TSHR: variants seen among roughly 807,000 people sequenced by gnomAD.
The protein encoded by TSHR is thyrotropin receptor.
Under a neutral mutation model 64.1 loss-of-function variants are expected in TSHR, and 51 were observed. That is an observed-to-expected ratio of 0.80 (90% CI 0.64 to 1.01). The LOEUF (loss-of-function observed/expected upper bound fraction) is 1.01, where lower values mean the gene tolerates loss of function less well. TSHR is among the 50% of genes least tolerant of loss of function. TSHR has a pLI of 0.00. For synonymous variants in TSHR, 361 were observed against 361.9 expected (o/e 1.00, Z 0.03); for missense variants, 877 against 942.8 (o/e 0.93, Z 0.91).
At chr14:81,008,259 G>A (rs566193067) in intron 1 of TSHR, among the ~76,000 whole-genome samples, 9 of 150,610 alleles carry the variant, frequency 6.0e-5, no homozygotes, top group East Asian at 5.9e-4. Context: ...TGCAAGCTCC[G>A]CTTCCCGGGT....
At chr14:81,022,520 A>G (rs894946655) in intron 1 of TSHR, among the ~76,000 whole-genome samples, 1 of 151,942 alleles carries the variant, frequency 6.6e-6, no homozygotes, top group Non-Finnish European at 1.5e-5. Context: ...ATATGGTGGT[A>G]TTAAGATGTG....
chr14:81,072,755 T>TACTCTAA (rs1196577626), intron 3 of TSHR, among the ~76,000 whole-genome samples: 31 of 138,508 alleles, frequency 2.2e-4, no homozygotes, highest in African/African-American at 7.4e-4. Flanking sequence ...TGAAAAGCTT[T>TACTCTAA]GGGAGGCCGA....
chr14:81,134,173 T>A (rs1438564261), intron 8 of TSHR, among the ~76,000 whole-genome samples: 2 of 152,204 alleles, frequency 1.3e-5, no homozygotes, highest in Non-Finnish European at 2.9e-5. Flanking sequence ...TTCGCTCTTG[T>A]TGCCCAGGCT....
intron 8 of TSHR, among the ~76,000 whole-genome samples, chr14:81,135,696 T>C (rs1339390406): frequency 6.6e-6 from 1 of 152,140 alleles, no homozygotes; most frequent in African/African-American, 2.4e-5. Context: ...AAGTGGTAGA[T>C]GGAAGACAAG....
chr14:81,093,950 C>A (rs961009961), intron 6 of TSHR, among the ~76,000 whole-genome samples: 9 of 152,130 alleles, frequency 5.9e-5, no homozygotes, highest in African/African-American at 2.2e-4. Flanking sequence ...CACCATTTCT[C>A]TAAAACCCCC....
chr14:81,040,937 G>C (rs1884889777), intron 1 of TSHR, among the ~76,000 whole-genome samples: 1 of 151,876 alleles, frequency 6.6e-6, no homozygotes, highest in Non-Finnish European at 1.5e-5. Flanking sequence ...GATCATTAAA[G>C]AAATGGAAAT....
chr14:81,115,910 AT>A (rs200209411), intron 8 of TSHR, among the ~76,000 whole-genome samples: 17,907 of 152,096 alleles, frequency 0.12, 1,410 homozygotes, highest in East Asian at 0.27. Flanking sequence ...TCAACCCAGA[AT>A]TTCATATCCA....
chr14:81,013,756 C>T (rs1890042124), intron 1 of TSHR: 1 of 152,114 alleles, frequency 6.6e-6, no homozygotes, highest in Non-Finnish European at 1.5e-5. Context: ...CATACCAGAC[C>T]ACACATGTGG....
chr14:80,970,967 T>A (rs1887561615), intron 1 of TSHR, among the ~76,000 whole-genome samples: 1 of 152,256 alleles, frequency 6.6e-6, no homozygotes, highest in African/African-American at 2.4e-5. Context: ...CCCAAGTAGC[T>A]GGGATTACAG....
At chr14:81,138,172 C>T (rs1016102064) in intron 8 of TSHR, among the ~76,000 whole-genome samples, 1 of 150,824 alleles carries the variant, frequency 6.6e-6, no homozygotes, top group African/African-American at 2.4e-5. Context: ...AATACAGGAA[C>T]AAGCGCCAAG....
At chr14:81,036,213 A>T (rs932657582) in intron 1 of TSHR, among the ~76,000 whole-genome samples, 1 of 152,218 alleles carries the variant, frequency 6.6e-6, no homozygotes, top group African/African-American at 2.4e-5. Flanking sequence ...CTTTGGAGAG[A>T]TATGTACATC....
rs571046499 is a variant in TSHR at position 81,102,508 on chromosome 14, C to A, written c.614+5801C>A. 1.3e-3 allele frequency among the ~76,000 whole-genome samples: 191 copies of A among 152,280 alleles called. 1 individual carries two copies. The highest frequency in any genetic ancestry group is 2.2e-3 in the Non-Finnish European group (147 of 68,008). ...TGGAAACTATTTCTTTGTTAAGAAT[C>A]TTTTGTGTCTTGGTTTCTAAAAGTC... On this transcript the variant is annotated intron_variant, in intron 7 of 9. Transcript: ENST00000298171.
chr14:80,973,684 T>C (rs1490895581), intron 1 of TSHR, among the ~76,000 whole-genome samples: 1 of 152,196 alleles, frequency 6.6e-6, no homozygotes, highest in Non-Finnish European at 1.5e-5. Flanking sequence ...TTCTCTGTTA[T>C]AAGGAAGCTG....
intron 8 of TSHR, among the ~76,000 whole-genome samples, chr14:81,110,290 T>G (rs1471053563): frequency 1.3e-5 from 2 of 152,176 alleles, no homozygotes; most frequent in African/African-American, 4.8e-5. Context: ...AAAGAGGTAA[T>G]TAAATTAAAA....
At chr14:81,109,148 A>G (rs367852718) in intron 8 of TSHR, among the ~76,000 whole-genome samples, 135 of 152,220 alleles carry the variant, frequency 8.9e-4, no homozygotes, top group Admixed American at 2.1e-3. Context: ...AGTGTCTCAC[A>G]CCTGTAATCC....
At chr14:81,020,667 A>C (rs1478927932) in intron 1 of TSHR, among the ~76,000 whole-genome samples, 1 of 152,218 alleles carries the variant, frequency 6.6e-6, no homozygotes, top group Non-Finnish European at 1.5e-5. Context: ...GACTCATATC[A>C]AAACCCTAAA....
chr14:81,091,492 T>C (rs1454018978), intron 5 of TSHR, among the ~76,000 whole-genome samples: 1 of 152,220 alleles, frequency 6.6e-6, no homozygotes, highest in Admixed American at 6.5e-5. Context: ...AATTGCAAGA[T>C]ATTGAGTCAG....
rs369893130 is a variant in TSHR, at chr14:81,088,074, G to T, written c.392+46G>T. 154 of 1,457,168 alleles carry T rather than the reference G, an allele frequency of 1.1e-4. No homozygotes were observed. In the South Asian group the frequency reaches 1.7e-3, roughly 16 times the overall value. The allele number at this position is 1,457,168 out of a possible 1,614,324, so 90.3% of individuals were successfully genotyped here. A position where few individuals can be genotyped will look rare whatever the true frequency, so the allele number is the denominator to read the frequency against. On this transcript the variant is annotated intron_variant, in intron 4 of 9. Coordinates refer to ENST00000298171, the MANE Select transcript of TSHR (RefSeq NM_000369.5). ...CATCCTACTTTTCTGGGGGGAGGGGGTCAGATTTAATGCTGTTGTCTCCCA... is the reference window on the plus strand; with the variant it reads ...CATCCTACTTTTCTGGGGGGAGGGGTTCAGATTTAATGCTGTTGTCTCCCA...
intron 1 of TSHR, among the ~76,000 whole-genome samples, chr14:81,000,341 C>T (rs139964725): frequency 1.3e-5 from 2 of 152,274 alleles, no homozygotes; most frequent in South Asian, 2.1e-4. Flanking sequence ...ACATCTAGCA[C>T]GATGTTTAAC....
Sources: gnomAD v4.1 joint callset for allele counts (sites outside exome capture counted in the v4.1 genomes callset) on GRCh38, gnomAD v4.1.1 for gene constraint, MANE v1.5 for transcripts, NCBI Gene and HGNC (gene_info 2026-07-23, HGNC 2026-07-21) for gene names.